The following RHOT1 variants were observed in gnomAD, a reference collection of about 807,000 sequenced individuals.
RHOT1 encodes the protein mitochondrial Rho GTPase 1.
RHOT1 carries 27 observed loss-of-function variants against 95.3 expected under a neutral mutation model. The ratio of observed to expected loss-of-function variants is 0.28; its 90% CI spans 0.21 to 0.39. RHOT1 has a LOEUF of 0.39. Ranked by LOEUF, RHOT1 falls within the 10% of genes least tolerant of loss-of-function variation. The probability of loss-of-function intolerance (pLI) is 1.00; values close to 1 mark genes in which losing one functional copy is unlikely to be tolerated. For synonymous variants in RHOT1, 227 were observed against 263.5 expected, an observed-to-expected ratio of 0.86 and a Z score of 1.34; for missense variants, 578 against 786.7, an observed-to-expected ratio of 0.73 and a Z score of 3.17.
intron 12 of RHOT1, 40 bp from the exon 13 acceptor site, chr17:32,199,360 ATTATC>A: frequency 6.4e-7 from 1 of 1,562,862 alleles, no homozygotes; most frequent in Non-Finnish European, 8.7e-7. Flanking sequence ...GTTGGGAATT[ATTATC>A]TTAGATATCT....
At chr17:32,208,350 TAA>T (rs1299688489) in intron 18 of RHOT1, 41 bp downstream of exon 18, 4 of 1,506,290 alleles carry the variant, frequency 2.7e-6, no homozygotes, top group Non-Finnish European at 3.7e-6. Flanking sequence ...GCATGGTTCA[TAA>T]CATTGCATGC....
chr17:32,156,416 G>A (rs1335214101), intron 1 of RHOT1, among the ~76,000 whole-genome samples: 2 of 152,130 alleles, frequency 1.3e-5, no homozygotes, highest in African/African-American at 4.8e-5. Context: ...ACAAGCACAC[G>A]CCACCATGCC....
At chr17:32,149,635 A>ATGTGTGTGTGTGTGTGTGTG (rs1300585666) in intron 1 of RHOT1, among the ~76,000 whole-genome samples, 161 of 59,024 alleles carry the variant, frequency 2.7e-3, no homozygotes, top group South Asian at 7.0e-3. Flanking sequence ...ATATATATAT[A>ATGTGTGTGTGTGTGTGTGTG]TGTGTGTGTG....
chr17:32,150,824 C>T (rs1182942700), intron 1 of RHOT1: 3 of 1,532,194 alleles, frequency 2.0e-6, no homozygotes, highest in Non-Finnish European at 2.7e-6. Context: ...TTGGAAGGGT[C>T]TAAGAGCTGA....
intron 1 of RHOT1, among the ~76,000 whole-genome samples, chr17:32,145,437 T>C (rs2031171672): frequency 6.6e-6 from 1 of 152,208 alleles, no homozygotes; most frequent in African/African-American, 2.4e-5. Context: ...TATCTTCTTT[T>C]AAAATGAATC....
At position 32,189,412 on chromosome 17, in the gene RHOT1, G is replaced by A. The variant is rs538971348; in HGVS notation, c.541-2789G>A. On this transcript the variant is annotated intron_variant, in intron 8 of 19. Transcript: ENST00000545287. ...TTTGGGAAACAGTCTTAATACTGTG[G>A]GAACTCTTACAAGAATTTACCTCTG... is the stretch of plus-strand genomic sequence containing the variant. Among the ~76,000 whole-genome samples, 31 of 152,298 alleles carry A rather than the reference G, an allele frequency of 2.0e-4. 1 individual carries two copies. The South Asian group carries it at 6.0e-3, about 30-fold the overall frequency.
chr17:32,165,011 C>T (rs1185667848), intron 1 of RHOT1, among the ~76,000 whole-genome samples: 1 of 151,286 alleles, frequency 6.6e-6, no homozygotes, highest in Non-Finnish European at 1.5e-5. Context: ...ACAACAACAG[C>T]AAAACAAAAA....
intron 15 of RHOT1, among the ~76,000 whole-genome samples, 193 bp from the exon 16 acceptor site, chr17:32,203,697 A>G (rs1434220101): frequency 2.6e-5 from 4 of 152,188 alleles, no homozygotes; most frequent in Admixed American, 2.0e-4. Context: ...ATGCAGAACA[A>G]ATACATCTTT....
intron 1 of RHOT1, among the ~76,000 whole-genome samples, chr17:32,168,156 A>C (rs1006074202): frequency 5.3e-5 from 8 of 152,166 alleles, no homozygotes; most frequent in Non-Finnish European, 1.2e-4. Context: ...CTCACTGACA[A>C]TACACCTGGT....
intron 2 of RHOT1, among the ~76,000 whole-genome samples, chr17:32,172,077 C>G (rs2142529813): frequency 6.6e-6 from 1 of 152,278 alleles, no homozygotes; most frequent in African/African-American, 2.4e-5. Context: ...TAGTAGGTAT[C>G]ATTAGTGTCA....
Position 32,142,742 on chromosome 17 carries a change from C to T in RHOT1, c.37+13C>T, listed in dbSNP as rs745424411. On this transcript the variant is annotated intron_variant, in intron 1 of 19. Coordinates refer to ENST00000545287, the MANE Select transcript of RHOT1 (RefSeq NM_001033566.3). Reference sequence around the variant, plus strand: ...CTGGTGGGAGAACGTGAGTCCGCACCCTCTGGCCGGCCCCTGAGTCCCTGC... The same window carrying T: ...CTGGTGGGAGAACGTGAGTCCGCACTCTCTGGCCGGCCCCTGAGTCCCTGC... The T allele has an allele frequency of 1.5e-5, 23 of 1,506,384 alleles. No homozygotes were observed. The Admixed American group carries it at 2.0e-4, about 13-fold the overall frequency. 93.3% of individuals were successfully genotyped at this position (1,506,384 alleles called of 1,614,324 possible). A position where few individuals can be genotyped will look rare whatever the true frequency, so the allele number is the denominator to read the frequency against.
intron 1 of RHOT1, among the ~76,000 whole-genome samples, chr17:32,164,246 C>CT (rs35213377): frequency 6.6e-6 from 1 of 151,808 alleles, no homozygotes; most frequent in African/African-American, 2.4e-5. Context: ...CAATTTTTTT[C>CT]TTTTTTTAGA....
At chr17:32,196,145 T>C in intron 11 of RHOT1, among the ~76,000 whole-genome samples, 1 of 151,990 alleles carries the variant, frequency 6.6e-6, no homozygotes. Context: ...GCTCTGTCAC[T>C]TCCCTTCAAG....
chr17:32,211,372 T>A, intron 19 of RHOT1, 134 bp downstream of exon 19: 1 of 710,404 alleles, frequency 1.4e-6, no homozygotes, highest in South Asian at 4.5e-5. Context: ...ACTAAAATTC[T>A]CACTGTGATG....
chr17:32,195,617 A>T (rs1230001954), intron 11 of RHOT1, among the ~76,000 whole-genome samples: 1 of 152,156 alleles, frequency 6.6e-6, no homozygotes, highest in Non-Finnish European at 1.5e-5. Flanking sequence ...CATTACCTTC[A>T]TAGTGCTCTT....
Position 32,194,088 on chromosome 17 carries a change from C to A in RHOT1, c.850C>A (p.Pro284Thr). The A allele has an allele frequency of 1.2e-6, 2 of 1,613,978 alleles. No homozygotes were observed. Among genetic ancestry groups the A allele is most frequent in the South Asian group, 2.2e-5 (2 of 91,054 alleles). Reference protein sequence around the residue: ...FGYDDDLDLTPEYLFPLLKIP... With the variant: ...FGYDDDLDLTTEYLFPLLKIP... ...TTATGATGATGACCTGGATTTGACA[C>A]CTGAATATTTGTTCCCCCTGTATGT... is the stretch of plus-strand genomic sequence containing the variant. Residue 284 changes from proline (P) to threonine (T), a missense_variant, in exon 11 of 20, where the codon CCT (proline) becomes ACT (threonine). By Grantham distance (38) the Pro-to-Thr change is conservative. This residue lies in a region of RHOT1 where 227 missense variants were observed against 316.0 expected (regional missense o/e 0.72). Transcript: ENST00000545287.
chr17:32,188,090 A>T (rs549254646), intron 8 of RHOT1, among the ~76,000 whole-genome samples: 7 of 152,330 alleles, frequency 4.6e-5, no homozygotes, highest in Non-Finnish European at 1.0e-4. Context: ...ACTGCTGCTG[A>T]GTGCACTACT....
At chr17:32,177,973 C>G (rs935422727) in intron 6 of RHOT1, among the ~76,000 whole-genome samples, 1 of 150,478 alleles carries the variant, frequency 6.6e-6, no homozygotes, top group Non-Finnish European at 1.5e-5. Flanking sequence ...TACAGGTACC[C>G]ACCACCACAC....
intron 16 of RHOT1, among the ~76,000 whole-genome samples, chr17:32,206,192 CTTTTTTTTTTTT>C (rs71144812): frequency 3.8e-4 from 23 of 60,520 alleles, no homozygotes; most frequent in African/African-American, 6.2e-4. Context: ...TCCATAGAAT[CTTTTTTTTTTTT>C]TTTTTTTTTT....
Sources: allele counts gnomAD v4.1 joint callset (sites outside exome capture counted in the v4.1 genomes callset), GRCh38; gene constraint gnomAD v4.1.1; regional missense constraint gnomAD v4.1.1; transcripts MANE v1.5; gene names NCBI Gene and HGNC (gene_info 2026-07-23, HGNC 2026-07-21).